Variants in NMNAT2 observed in about 807,000 individuals in gnomAD.
NMNAT2 encodes nicotinamide/nicotinic acid mononucleotide adenylyltransferase 2.
NMNAT2 carries 11 observed loss-of-function variants against 41.6 expected under a neutral mutation model. The ratio of observed to expected loss-of-function variants is 0.26; its 90% CI spans 0.17 to 0.44. The LOEUF (loss-of-function observed/expected upper bound fraction) is 0.44. Ranked by LOEUF, NMNAT2 falls within the 20% of genes least tolerant of loss-of-function variation. The probability of loss-of-function intolerance (pLI) is 1.00; values close to 1 mark genes in which losing one functional copy is unlikely to be tolerated. For missense variants in NMNAT2, 288 were observed against 407.7 expected, an observed-to-expected ratio of 0.71 and a Z score of 2.53; for synonymous variants, 148 against 151.2, an observed-to-expected ratio of 0.98 and a Z score of 0.16.
At chr1:183,375,782 A>T (rs987807359) in intron 1 of NMNAT2, among the ~76,000 whole-genome samples, 3 of 121,650 alleles carry the variant, frequency 2.5e-5, no homozygotes. Context: ...TCCAGAACAA[A>T]GCCTCTCAGA....
intron 1 of NMNAT2, among the ~76,000 whole-genome samples, chr1:183,298,066 G>A (rs1214735513): frequency 6.6e-6 from 1 of 152,166 alleles, no homozygotes; most frequent in African/African-American, 2.4e-5. Context: ...ACTTGACAAA[G>A]AGCATCTGCA....
chr1:183,411,519 C>T (rs1369206111), intron 1 of NMNAT2, among the ~76,000 whole-genome samples: 1 of 151,982 alleles, frequency 6.6e-6, no homozygotes, highest in African/African-American at 2.4e-5. Context: ...TTGCAGACTG[C>T]TCTGAAACTC....
At chr1:183,375,304 C>T (rs896906138) in intron 1 of NMNAT2, among the ~76,000 whole-genome samples, 2 of 152,216 alleles carry the variant, frequency 1.3e-5, no homozygotes, top group Non-Finnish European at 2.9e-5. Context: ...TTATGGAGCA[C>T]CTGCTCTGTG....
chr1:183,275,980 T>G (rs563968858), intron 8 of NMNAT2, among the ~76,000 whole-genome samples: 1 of 152,068 alleles, frequency 6.6e-6, no homozygotes, highest in Non-Finnish European at 1.5e-5. Flanking sequence ...AGTATTTCAG[T>G]TTTAAAACCG....
intron 1 of NMNAT2, among the ~76,000 whole-genome samples, chr1:183,397,898 C>T (rs1454677461): frequency 5.3e-5 from 8 of 152,162 alleles, no homozygotes; most frequent in African/African-American, 1.7e-4. Context: ...CCTAAAAGAG[C>T]TCCTGAAGGA....
At chr1:183,303,319 G>A (rs1037714121) in intron 1 of NMNAT2, among the ~76,000 whole-genome samples, 2 of 152,226 alleles carry the variant, frequency 1.3e-5, no homozygotes, top group African/African-American at 4.8e-5. Flanking sequence ...TTAACTTACT[G>A]ACCATTTGCT....
At chr1:183,363,157 A>G (rs1328144286) in intron 1 of NMNAT2, among the ~76,000 whole-genome samples, 5 of 152,172 alleles carry the variant, frequency 3.3e-5, no homozygotes, top group Non-Finnish European at 7.4e-5. Flanking sequence ...TTGGTCTTGG[A>G]TAATTTTATA....
At chr1:183,281,729 G>A (rs1032976725) in intron 7 of NMNAT2, among the ~76,000 whole-genome samples, 4 of 152,202 alleles carry the variant, frequency 2.6e-5, no homozygotes, top group African/African-American at 9.6e-5. Context: ...TGTGGTCTAG[G>A]GCAGCCCTGG....
At position 183,290,176 on chromosome 1, in the gene NMNAT2, G is replaced by C; in HGVS notation, c.273C>G (p.Thr91=). Residue 91 remains threonine (T), a synonymous_variant, in exon 4 of 11, where the codon ACC becomes ACG. Coordinates refer to ENST00000287713, the MANE Select transcript of NMNAT2 (RefSeq NM_015039.4). ...CCAACACGCTGCAGGTCGTCTGCCAGGTGTCCTGGTAGCACTCCCAAGGGT... is the reference window on the plus strand; with the variant it reads ...CCAACACGCTGCAGGTCGTCTGCCACGTGTCCTGGTAGCACTCCCAAGGGT... ...RVDPWECYQD[T]WQTTCSVLEH... 3 of 1,587,396 alleles carry C rather than the reference G, an allele frequency of 1.9e-6. No homozygotes were observed. Among genetic ancestry groups the C allele is most frequent in the Non-Finnish European group, 2.6e-6 (3 of 1,165,468 alleles).
intron 5 of NMNAT2, among the ~76,000 whole-genome samples, 158 bp from the exon 6 acceptor site, chr1:183,284,948 C>T (rs1290156300): frequency 3.9e-5 from 6 of 152,150 alleles, no homozygotes; most frequent in Admixed American, 2.0e-4. Flanking sequence ...AGAGAAAGAA[C>T]AGAAATATGA....
At chr1:183,344,817 G>T (rs990118954) in intron 1 of NMNAT2, among the ~76,000 whole-genome samples, 1 of 152,182 alleles carries the variant, frequency 6.6e-6, no homozygotes, top group East Asian at 1.9e-4. Context: ...GAGACCAGAA[G>T]CTGAGAAAGG....
In NMNAT2 at chr1:183,286,923, A is replaced by G. The variant is rs1661415519; in HGVS notation, c.322-135T>C. On this transcript the variant is annotated intron_variant, in intron 4 of 10. Coordinates refer to ENST00000287713, the MANE Select transcript of NMNAT2 (RefSeq NM_015039.4). ...AGGAAGAGCCCTGGGGATGGGTTCTAGACCCAGCTGCATCATGTGGTCACT... is the reference window on the plus strand; with the variant it reads ...AGGAAGAGCCCTGGGGATGGGTTCTGGACCCAGCTGCATCATGTGGTCACT... 18 of 802,560 alleles carry G rather than the reference A, an allele frequency of 2.2e-5. No individual in the cohort carries two copies. In the South Asian group the frequency reaches 3.6e-4, roughly 16 times the overall value. 49.7% of individuals were successfully genotyped at this position (802,560 alleles called of 1,614,324 possible).
intron 1 of NMNAT2, among the ~76,000 whole-genome samples, chr1:183,373,425 C>G (rs1462537030): frequency 6.6e-6 from 1 of 152,076 alleles, no homozygotes; most frequent in Non-Finnish European, 1.5e-5. Flanking sequence ...AGAAATATAA[C>G]AGGGTCTGAC....
At chr1:183,292,946 G>T in intron 2 of NMNAT2, 89 bp from the exon 3 acceptor site, 1 of 1,232,072 alleles carries the variant, frequency 8.1e-7, no homozygotes, top group Non-Finnish European at 1.2e-6. Flanking sequence ...CATTGTTAAA[G>T]TGCAGCCATT....
intron 1 of NMNAT2, among the ~76,000 whole-genome samples, chr1:183,322,801 T>C (rs761275140): frequency 3.3e-5 from 5 of 152,200 alleles, no homozygotes; most frequent in Non-Finnish European, 7.3e-5. Context: ...TAAAATACCA[T>C]CTGTCTGCTG....
intron 1 of NMNAT2, among the ~76,000 whole-genome samples, chr1:183,383,835 G>T (rs1429480385): frequency 6.6e-6 from 1 of 152,178 alleles, no homozygotes; most frequent in Non-Finnish European, 1.5e-5. Flanking sequence ...AATTTAACAA[G>T]TCTCTAGGAA....
At chr1:183,322,862 C>T (rs895151448) in intron 1 of NMNAT2, among the ~76,000 whole-genome samples, 17 of 152,328 alleles carry the variant, frequency 1.1e-4, no homozygotes, top group African/African-American at 4.1e-4. Flanking sequence ...AAGCCCTAAT[C>T]TCAGAAATCT....
At position 183,281,757 on chromosome 1, in the gene NMNAT2, A is replaced by T. The variant is rs183082481; in HGVS notation, c.574+2238T>A. ...AGCCCTGGAGGAGCAGTCAGCTGTT[A>T]GGAGCATGTAAATAGGGTCAACAGA... On this transcript the variant is annotated intron_variant, in intron 7 of 10. Transcript: ENST00000287713. Among the ~76,000 whole-genome samples, 279 of 152,364 alleles carry T rather than the reference A, an allele frequency of 1.8e-3. 2 individuals carry two copies. Among genetic ancestry groups the T allele is most frequent in the African/African-American group, 6.3e-3 (263 of 41,582 alleles).
intron 1 of NMNAT2, among the ~76,000 whole-genome samples, chr1:183,303,561 C>T (rs1661919506): frequency 1.3e-5 from 2 of 152,124 alleles, no homozygotes; most frequent in Non-Finnish European, 2.9e-5. Context: ...AAGGTGAGTG[C>T]TTATTCGATT....
Sources: gnomAD v4.1 joint callset for allele counts (sites outside exome capture counted in the v4.1 genomes callset) on GRCh38, gnomAD v4.1.1 for gene constraint, MANE v1.5 for transcripts, NCBI Gene and HGNC (gene_info 2026-07-23, HGNC 2026-07-21) for gene names.